The following ADGRL3 variants were observed in gnomAD, a reference collection of about 807,000 sequenced individuals.
ADGRL3 encodes the protein calcium-independent alpha-latrotoxin receptor 3.
A neutral mutation model predicts 153.5 loss-of-function variants in ADGRL3; 62 were observed. The ratio of observed to expected loss-of-function variants is 0.40; its 90% CI spans 0.33 to 0.50. The LOEUF (loss-of-function observed/expected upper bound fraction) is 0.50. Among genes scored for constraint, ADGRL3 ranks in the 20% least tolerant of loss-of-function variants. ADGRL3 has a pLI of 0.47. For missense variants in ADGRL3, 1,641 were observed against 1,859.4 expected (o/e 0.88, Z 2.16); for synonymous variants, 710 against 672.5 (o/e 1.06, Z -0.86).
At chr4:61,330,456 G>A (rs1362269532) in intron 1 of ADGRL3, among the ~76,000 whole-genome samples, 5 of 152,206 alleles carry the variant, frequency 3.3e-5, no homozygotes, top group Admixed American at 3.3e-4. Context: ...CTGGTTCTTA[G>A]GCCTTTGGGT....
chr4:61,756,924 A>C (rs2096839914), intron 8 of ADGRL3, among the ~76,000 whole-genome samples: 2 of 152,158 alleles, frequency 1.3e-5, no homozygotes, highest in Admixed American at 1.3e-4. Context: ...GATTACGTTT[A>C]TTGATTTGCA....
intron 4 of ADGRL3, among the ~76,000 whole-genome samples, chr4:61,528,008 C>T (rs1327229040): frequency 6.6e-6 from 1 of 152,020 alleles, no homozygotes; most frequent in Non-Finnish European, 1.5e-5. Context: ...TCTTTTAGTT[C>T]TTGGCACTTG....
At chr4:61,832,800 T>G (rs975721505) in intron 9 of ADGRL3, among the ~76,000 whole-genome samples, 1 of 147,298 alleles carries the variant, frequency 6.8e-6, no homozygotes, top group Non-Finnish European at 1.5e-5. Flanking sequence ...TTTCTCTCTC[T>G]GTTTTCTTTT....
chr4:61,856,596 CTCTCTCTCTTTTTTTTTTTT>C (rs2098268868), intron 9 of ADGRL3, among the ~76,000 whole-genome samples: 1 of 57,040 alleles, frequency 1.8e-5, no homozygotes, highest in Non-Finnish European at 4.5e-5. Context: ...TTCTCTCTCT[CTCTCTCTCTTTTTTTTTTTT>C]TTTTTTTTTT....
intron 6 of ADGRL3, among the ~76,000 whole-genome samples, chr4:61,714,558 C>T (rs912600717): frequency 1.3e-5 from 2 of 152,170 alleles, no homozygotes; most frequent in Non-Finnish European, 2.9e-5. Context: ...CTAAGACTTT[C>T]CTCCATGCCA....
At chr4:61,750,810 A>AAAAAAAAAAAAAAAAAAAAG (rs746270309) in intron 8 of ADGRL3, among the ~76,000 whole-genome samples, 3 of 147,090 alleles carry the variant, frequency 2.0e-5, no homozygotes, top group African/African-American at 5.3e-5. Context: ...AAAAAAAAAA[A>AAAAAAAAAAAAAAAAAAAAG]AAGTCAAAGC....
chr4:61,564,499 C>G (rs1245194316), intron 4 of ADGRL3, among the ~76,000 whole-genome samples: 1 of 152,172 alleles, frequency 6.6e-6, no homozygotes, highest in Non-Finnish European at 1.5e-5. Flanking sequence ...TCTCAAACTC[C>G]TGGGCACCAG....
intron 6 of ADGRL3, among the ~76,000 whole-genome samples, chr4:61,696,382 T>C (rs542988159): frequency 1.3e-5 from 2 of 152,314 alleles, no homozygotes; most frequent in East Asian, 3.9e-4. Flanking sequence ...TTTATGGTAA[T>C]GTTCCTTTTG....
chr4:61,616,866 C>A (rs937829042), intron 5 of ADGRL3, among the ~76,000 whole-genome samples: 1 of 151,878 alleles, frequency 6.6e-6, no homozygotes, highest in Non-Finnish European at 1.5e-5. Context: ...TGTTGCCCAG[C>A]CTGATCTCAA....
rs113629008 is a variant in ADGRL3, at chr4:61,979,531, C to T, written c.2806-32C>T. Reference sequence around the variant, plus strand: ...AACTTTGTAATTGGTTATGCATAAGCGCAACTTATGGCTTTTTCATTGTGT... The same window carrying T: ...AACTTTGTAATTGGTTATGCATAAGTGCAACTTATGGCTTTTTCATTGTGT... On this transcript the variant is annotated intron_variant, in intron 17 of 26. Coordinates refer to ENST00000683033, the MANE Select transcript of ADGRL3 (RefSeq NM_001387552.1). 176 of 1,586,356 alleles carry T rather than the reference C, an allele frequency of 1.1e-4. 1 individual carries two copies. Among genetic ancestry groups the T allele is most frequent in the African/African-American group, 5.4e-5 (4 of 74,384 alleles).
At chr4:61,350,204 T>C (rs2151300758) in intron 1 of ADGRL3, among the ~76,000 whole-genome samples, 1 of 152,240 alleles carries the variant, frequency 6.6e-6, no homozygotes, top group African/African-American at 2.4e-5. Flanking sequence ...CATAAACCCA[T>C]ATATCTAATA....
At chr4:61,511,022 G>C (rs2098460935) in intron 3 of ADGRL3, among the ~76,000 whole-genome samples, 1 of 152,008 alleles carries the variant, frequency 6.6e-6, no homozygotes, top group Non-Finnish European at 1.5e-5. Context: ...TTTTCTTGAT[G>C]ACTATTGTAA....
chr4:61,410,866 A>AT (rs1183211518), intron 2 of ADGRL3, among the ~76,000 whole-genome samples: 1 of 152,188 alleles, frequency 6.6e-6, no homozygotes. Flanking sequence ...AGAGAGTGGA[A>AT]TGTCAGCAGG....
At chr4:62,032,794 G>A (rs1054326722) in intron 23 of ADGRL3, among the ~76,000 whole-genome samples, 12 of 151,446 alleles carry the variant, frequency 7.9e-5, no homozygotes, top group African/African-American at 2.9e-4. Context: ...TTAGATGGTG[G>A]TAGATAACTA....
chr4:61,948,021 TA>T (rs768465013), intron 16 of ADGRL3, 78 bp from the exon 17 acceptor site: 40 of 1,165,612 alleles, frequency 3.4e-5, no homozygotes, highest in Non-Finnish European at 4.9e-5. Flanking sequence ...GAAGTTGTAT[TA>T]TATGTAAAGA....
chr4:61,994,070 A>C (rs963124216), intron 19 of ADGRL3, among the ~76,000 whole-genome samples: 2 of 152,202 alleles, frequency 1.3e-5, no homozygotes, highest in African/African-American at 4.8e-5. Context: ...TTCTTGTTAG[A>C]GTGCCTATTG....
intron 5 of ADGRL3, among the ~76,000 whole-genome samples, chr4:61,639,272 G>A (rs2093562001): frequency 6.6e-6 from 1 of 152,064 alleles, no homozygotes; most frequent in Admixed American, 6.6e-5. Context: ...AAGATCTAAA[G>A]TTTTTGAGGC....
At chr4:61,203,077 G>A (rs1436249300) in intron 1 of ADGRL3, among the ~76,000 whole-genome samples, 1 of 152,180 alleles carries the variant, frequency 6.6e-6, no homozygotes, top group East Asian at 1.9e-4. Flanking sequence ...CGCTGGTGCA[G>A]CGCTCGATGC....
intron 26 of ADGRL3, 124 bp from the exon 27 acceptor site, chr4:62,069,985 C>T (rs1744989158): frequency 1.3e-6 from 1 of 759,786 alleles, no homozygotes; most frequent in South Asian, 1.9e-5. Context: ...ACATTTTATA[C>T]TTAAGTAAAT....
Sources: allele counts gnomAD v4.1 joint callset (sites outside exome capture counted in the v4.1 genomes callset), GRCh38; gene constraint gnomAD v4.1.1; transcripts MANE v1.5; gene names NCBI Gene and HGNC (gene_info 2026-07-23, HGNC 2026-07-21).